NTNG1: variants seen among roughly 807,000 people sequenced by gnomAD.
NTNG1 encodes the protein netrin-G1.
In NTNG1, 16 loss-of-function variants were observed where a neutral mutation model predicts 54.0. The observed-to-expected ratio is 0.30, with a 90% CI of 0.20 to 0.45. The LOEUF (loss-of-function observed/expected upper bound fraction) is 0.45. Among genes scored for constraint, NTNG1 ranks in the 20% least tolerant of loss-of-function variants. The pLI, the probability that NTNG1 is intolerant of heterozygous loss-of-function variation, is 1.00. For synonymous variants in NTNG1, 255 were observed against 263.1 expected, an observed-to-expected ratio of 0.97 and a Z score of 0.30; for missense variants, 530 against 678.7, an observed-to-expected ratio of 0.78 and a Z score of 2.43.
chr1:107,398,195 G>A (rs563716786), intron 4 of NTNG1, among the ~76,000 whole-genome samples: 20 of 152,216 alleles, frequency 1.3e-4, no homozygotes, highest in African/African-American at 3.8e-4. Flanking sequence ...ATAGGATGAC[G>A]AGTTAGTGGG....
chr1:107,267,686 G>T (rs1217927321), intron 2 of NTNG1, among the ~76,000 whole-genome samples: 1 of 152,082 alleles, frequency 6.6e-6, no homozygotes, highest in East Asian at 1.9e-4. Flanking sequence ...CTTTGAACGT[G>T]CTGCTTTCTT....
chr1:107,397,200 G>A (rs1392100785), intron 4 of NTNG1, among the ~76,000 whole-genome samples: 2 of 152,068 alleles, frequency 1.3e-5, no homozygotes, highest in Non-Finnish European at 2.9e-5. Flanking sequence ...ATACATTTTG[G>A]ACGTTTTTCC....
At chr1:107,307,166 G>C (rs1325431273) in intron 2 of NTNG1, among the ~76,000 whole-genome samples, 1 of 152,174 alleles carries the variant, frequency 6.6e-6, no homozygotes, top group South Asian at 2.1e-4. Context: ...AGAATAACTT[G>C]GGACCTTTTA....
At chr1:107,199,215 C>T (rs1448950438) in intron 2 of NTNG1, among the ~76,000 whole-genome samples, 1 of 151,654 alleles carries the variant, frequency 6.6e-6, no homozygotes, top group African/African-American at 2.4e-5. Flanking sequence ...GTTATCTCCC[C>T]AGTTTTCTTA....
intron 2 of NTNG1, among the ~76,000 whole-genome samples, chr1:107,177,358 AG>A (rs1427929902): frequency 6.6e-6 from 1 of 151,414 alleles, no homozygotes; most frequent in Non-Finnish European, 1.5e-5. Context: ...TTCCTGAGAC[AG>A]AGTCTTGCTC....
intron 2 of NTNG1, among the ~76,000 whole-genome samples, chr1:107,197,889 A>T (rs1239076244): frequency 6.6e-6 from 1 of 151,954 alleles, no homozygotes; most frequent in Non-Finnish European, 1.5e-5. Context: ...ATCTCTATTC[A>T]CATAATTTTC....
At chr1:107,405,298 C>A (rs192986336) in intron 4 of NTNG1, among the ~76,000 whole-genome samples, 1 of 152,078 alleles carries the variant, frequency 6.6e-6, no homozygotes, top group African/African-American at 2.4e-5. Flanking sequence ...TTCAAATGAG[C>A]AGTTTAAAAA....
intron 2 of NTNG1, among the ~76,000 whole-genome samples, chr1:107,250,723 G>GGTATTTGTAC (rs11282150): frequency 0.98 from 149,667 of 152,230 alleles, 73,621 homozygotes; most frequent in Non-Finnish European, 1. Flanking sequence ...AAGAGGGTCG[G>GGTATTTGTAC]CCCTGCGTCA....
At chr1:107,297,190 T>TATAACATC (rs1666008921) in intron 2 of NTNG1, among the ~76,000 whole-genome samples, 2 of 141,850 alleles carry the variant, frequency 1.4e-5, no homozygotes, top group African/African-American at 2.6e-5. Context: ...ACATCATATA[T>TATAACATC]ATATAACATC....
At chr1:107,406,241 G>A (rs1264004795) in intron 4 of NTNG1, among the ~76,000 whole-genome samples, 1 of 152,116 alleles carries the variant, frequency 6.6e-6, no homozygotes, top group African/African-American at 2.4e-5. Context: ...AGAAATCTCC[G>A]AGCAAGCTAA....
intron 3 of NTNG1, among the ~76,000 whole-genome samples, chr1:107,388,621 A>G (rs1672171386): frequency 6.6e-6 from 1 of 152,218 alleles, no homozygotes; most frequent in African/African-American, 2.4e-5. Flanking sequence ...TTATTCAGAC[A>G]ATGGTAGCTT....
chr1:107,185,245 C>T (rs1657364269), intron 2 of NTNG1, among the ~76,000 whole-genome samples: 1 of 152,200 alleles, frequency 6.6e-6, no homozygotes. Flanking sequence ...CATATATCTT[C>T]TCACAGTTTC....
chr1:107,273,929 G>A (rs1664311872), intron 2 of NTNG1, among the ~76,000 whole-genome samples: 1 of 139,096 alleles, frequency 7.2e-6, no homozygotes, highest in Non-Finnish European at 1.5e-5. Context: ...AATTACTGAA[G>A]TGATTTATCA....
rs767233630 is a variant in NTNG1 at position 107,395,133 on chromosome 1, CTT to C, written c.888-19_888-18del. On this transcript the variant is annotated intron_variant, in intron 3 of 7. Transcript: ENST00000370068. ...AGACCAACTTATCTGACAATGAACT[CTT>C]TGTCTCTCCTCTGCCCAGGTGCAAG... The C allele has an allele frequency of 3.1e-6, 5 of 1,603,862 alleles. No individual in the cohort carries two copies. In the East Asian group the frequency reaches 6.7e-5, roughly 22 times the overall value.
At chr1:107,164,878 G>A (rs1248037932) in intron 2 of NTNG1, among the ~76,000 whole-genome samples, 3 of 152,168 alleles carry the variant, frequency 2.0e-5, no homozygotes, top group Non-Finnish European at 2.9e-5. Context: ...GAATAATGGC[G>A]AGAGCATACC....
intron 2 of NTNG1, among the ~76,000 whole-genome samples, chr1:107,280,433 A>G (rs1664774998): frequency 6.6e-6 from 1 of 151,658 alleles, no homozygotes; most frequent in African/African-American, 2.4e-5. Flanking sequence ...AATTAATTAT[A>G]ATTTTAATAC....
chr1:107,457,818 C>A (rs528783094), intron 7 of NTNG1, among the ~76,000 whole-genome samples: 1 of 151,886 alleles, frequency 6.6e-6, no homozygotes, highest in Non-Finnish European at 1.5e-5. Flanking sequence ...AATACTTTGC[C>A]GTAACATCTA....
In NTNG1 at chr1:107,468,378, A is replaced by G. The variant is rs1190785881; in HGVS notation, c.1391-12233A>G. On this transcript the variant is annotated intron_variant, in intron 7 of 7. Transcript: ENST00000370068. ...TTTAAAAAAACGCGTATTTGAATTG[A>G]TGACACAATTATCTCCTTTCGGCTG... Among the ~76,000 whole-genome samples the G allele has an allele frequency of 3.3e-5, 5 of 152,336 alleles. No individual in the cohort carries two copies. In the South Asian group the frequency reaches 1.0e-3, roughly 32 times the overall value.
chr1:107,375,343 A>G (rs901991055), intron 3 of NTNG1, among the ~76,000 whole-genome samples: 12 of 152,184 alleles, frequency 7.9e-5, no homozygotes, highest in African/African-American at 2.9e-4. Context: ...TCTGCCTCTC[A>G]GAGGCAATTG....
Sources: allele counts gnomAD v4.1 joint callset (sites outside exome capture counted in the v4.1 genomes callset), GRCh38; gene constraint gnomAD v4.1.1; transcripts MANE v1.5; gene names NCBI Gene and HGNC (gene_info 2026-07-23, HGNC 2026-07-21).